Variants in NALCN observed in about 807,000 individuals in gnomAD.
NALCN encodes sodium leak channel, non-selective.
Under a neutral mutation model 225.3 loss-of-function variants are expected in NALCN, and 111 were observed. The observed-to-expected ratio is 0.49, with a 90% CI of 0.42 to 0.58. The LOEUF is 0.58. Among genes scored for constraint, NALCN ranks in the 20% least tolerant of loss-of-function variants. The probability of loss-of-function intolerance (pLI) is 0.00; values close to 1 mark genes in which losing one functional copy is unlikely to be tolerated. For missense variants in NALCN, 1,378 were observed against 2,202.4 expected (o/e 0.63, Z 7.49); for synonymous variants, 764 against 769.0 (o/e 0.99, Z 0.11).
At position 101,111,236 on chromosome 13, in the gene NALCN, A is replaced by T. The variant is rs1219186884; in HGVS notation, c.2193-10T>A. On this transcript the variant is annotated splice_polypyrimidine_tract_variant and intron_variant, in intron 18 of 43. Coordinates refer to ENST00000251127, the MANE Select transcript of NALCN (RefSeq NM_052867.4). ...CTGTCGGGTGCAAGCTCTAGGAAAA[A>T]AAAAGGAGCCCAAGATAAATGCATG... The T allele has an allele frequency of 6.3e-7, 1 of 1,577,602 alleles. No individual in the cohort carries two copies. Among genetic ancestry groups the T allele is most frequent in the Admixed American group, 1.7e-5 (1 of 58,904 alleles).
chr13:101,349,139 C>G (rs540334793), intron 6 of NALCN, among the ~76,000 whole-genome samples: 72 of 152,114 alleles, frequency 4.7e-4, no homozygotes, highest in Non-Finnish European at 7.5e-4. Context: ...CATGTTTAAA[C>G]GGGTTTCAAG....
chr13:101,110,362 T>C (rs1414091734), intron 20 of NALCN, among the ~76,000 whole-genome samples: 1 of 152,242 alleles, frequency 6.6e-6, no homozygotes, highest in East Asian at 1.9e-4. Flanking sequence ...CAAATCCAAC[T>C]GATAATGACA....
chr13:101,381,104 C>T (rs1393913086), intron 3 of NALCN, among the ~76,000 whole-genome samples: 1 of 152,086 alleles, frequency 6.6e-6, no homozygotes, highest in Non-Finnish European at 1.5e-5. Flanking sequence ...ATCAACCAAA[C>T]TTGGTGACTC....
chr13:101,414,732 A>G (rs907255957), intron 1 of NALCN, among the ~76,000 whole-genome samples: 17 of 152,250 alleles, frequency 1.1e-4, no homozygotes, highest in African/African-American at 4.1e-4. Flanking sequence ...ATCCAAAGTT[A>G]TAAGTGTACA....
intron 34 of NALCN, 134 bp from the exon 35 acceptor site, chr13:101,076,075 A>T (rs951661542): frequency 1.7e-6 from 1 of 588,796 alleles, no homozygotes; most frequent in Non-Finnish European, 2.7e-6. Flanking sequence ...AAAGTGATCT[A>T]AAAAAGGTGC....
rs1037155577 is a variant in NALCN, at chr13:101,258,426, G to A, written c.1266+17C>T. 2.5e-6 allele frequency: 4 copies of A among 1,613,704 alleles called. No individual in the cohort carries two copies. In the African/African-American group the frequency reaches 5.3e-5, roughly 22 times the overall value. On this transcript the variant is annotated intron_variant, in intron 11 of 43. Coordinates refer to ENST00000251127, the MANE Select transcript of NALCN (RefSeq NM_052867.4). ...CTGCTCCTTGCCCAGCGATCTGCAC[G>A]GTGGAGAGCTGCTTACCTCCGCCAG...
In NALCN at chr13:101,095,654, A is replaced by T. The variant is rs1273868125; in HGVS notation, c.3189T>A (p.Ile1063=). 6.2e-7 allele frequency: 1 copy of T among 1,613,068 alleles called. No individual in the cohort carries two copies. Among genetic ancestry groups the T allele is most frequent in the African/African-American group, 1.3e-5 (1 of 74,866 alleles). Residue 1063 remains isoleucine (I), a synonymous_variant, in exon 28 of 44, where the codon ATT becomes ATA. Coordinates refer to ENST00000251127, the MANE Select transcript of NALCN (RefSeq NM_052867.4). ...TTAAGTTCTTTGACACACTGACATTAATTCTGAATATGCCATTGCAATCTT... is the reference window on the plus strand; with the variant it reads ...TTAAGTTCTTTGACACACTGACATTTATTCTGAATATGCCATTGCAATCTT... The part of the protein sequence containing the change: ...RREDCNGIFR[I]NVSVSKNLNL...
At chr13:101,297,172 G>T (rs1021690671) in intron 7 of NALCN, among the ~76,000 whole-genome samples, 1 of 152,064 alleles carries the variant, frequency 6.6e-6, no homozygotes, top group African/African-American at 2.4e-5. Context: ...CAAGTGAGAG[G>T]GTCATAAAAT....
intron 9 of NALCN, 78 bp from the exon 10 acceptor site, chr13:101,284,097 A>G (rs2043258906): frequency 3.3e-6 from 4 of 1,219,916 alleles, no homozygotes; most frequent in East Asian, 5.3e-5. Flanking sequence ...AGCTTTGTAT[A>G]TTTTTATGTT....
chr13:101,290,209 C>T (rs2043500252), intron 9 of NALCN, among the ~76,000 whole-genome samples: 2 of 152,170 alleles, frequency 1.3e-5, no homozygotes, highest in Non-Finnish European at 2.9e-5. Context: ...AGAACCATTG[C>T]CTGACTTGGT....
At chr13:101,253,097 A>C (rs1001006978) in intron 11 of NALCN, among the ~76,000 whole-genome samples, 3 of 152,118 alleles carry the variant, frequency 2.0e-5, no homozygotes, top group Admixed American at 1.3e-4. Context: ...ATATTCTCTT[A>C]GATCACAATG....
At chr13:101,215,857 C>G (rs78441650) in intron 13 of NALCN, among the ~76,000 whole-genome samples, 1 of 152,116 alleles carries the variant, frequency 6.6e-6, no homozygotes, top group East Asian at 1.9e-4. Flanking sequence ...AACAGAAGAC[C>G]CTTTCTTGCT....
intron 7 of NALCN, among the ~76,000 whole-genome samples, chr13:101,328,008 G>A (rs952270567): frequency 4.6e-5 from 7 of 152,132 alleles, no homozygotes; most frequent in Non-Finnish European, 7.4e-5. Context: ...AAATGGGCAG[G>A]GAGTTGCGAT....
rs193059561 is a variant in NALCN at position 101,271,430 on chromosome 13, G to C, written c.1134+12503C>G. On this transcript the variant is annotated intron_variant, in intron 10 of 43. Coordinates refer to ENST00000251127, the MANE Select transcript of NALCN (RefSeq NM_052867.4). Reference sequence around the variant, plus strand: ...CAAAATTACAATAGGCCTTTTTCAAGTAGCATTTTAGCTACCCCTTTCTAC... The same window carrying C: ...CAAAATTACAATAGGCCTTTTTCAACTAGCATTTTAGCTACCCCTTTCTAC... 2.5e-3 allele frequency among the ~76,000 whole-genome samples: 380 copies of C among 152,122 alleles called. 6 individuals carry two copies. Among genetic ancestry groups the C allele is most frequent in the Admixed American group, 0.024 (366 of 15,280 alleles).
chr13:101,179,840 G>A (rs962888538), intron 14 of NALCN, among the ~76,000 whole-genome samples: 1 of 152,008 alleles, frequency 6.6e-6, no homozygotes, highest in Non-Finnish European at 1.5e-5. Context: ...TTGAGTTGTC[G>A]GCAAGACCAC....
At chr13:101,267,588 G>A (rs1405285196) in intron 10 of NALCN, among the ~76,000 whole-genome samples, 1 of 152,192 alleles carries the variant, frequency 6.6e-6, no homozygotes, top group Non-Finnish European at 1.5e-5. Context: ...TACTCTTGCT[G>A]CTCTTGGAAC....
chr13:101,179,711 G>A (rs2039113152), intron 14 of NALCN, among the ~76,000 whole-genome samples: 1 of 152,148 alleles, frequency 6.6e-6, no homozygotes, highest in African/African-American at 2.4e-5. Context: ...TAAGAGCTCT[G>A]ATTCCCAGTG....
At chr13:101,178,115 C>T (rs1354547759) in intron 14 of NALCN, among the ~76,000 whole-genome samples, 2 of 152,144 alleles carry the variant, frequency 1.3e-5, no homozygotes, top group African/African-American at 2.4e-5. Flanking sequence ...AAGTTTGCTC[C>T]ATGTTCAGCC....
Position 101,309,734 on chromosome 13 carries a change from G to T in NALCN, c.800-17368C>A, listed in dbSNP as rs566677733. On this transcript the variant is annotated intron_variant, in intron 7 of 43. Transcript: ENST00000251127. ...TGTATTCTTGACAAGAATTAAGCAA[G>T]TCTCATTGATCCTTTACTGTGTCAA... Among the ~76,000 whole-genome samples the T allele has an allele frequency of 2.6e-5, 4 of 152,264 alleles. No homozygotes were observed. The South Asian group carries it at 8.3e-4, about 32-fold the overall frequency.
Sources: gnomAD v4.1 joint callset for allele counts (sites outside exome capture counted in the v4.1 genomes callset) on GRCh38, gnomAD v4.1.1 for gene constraint, MANE v1.5 for transcripts, NCBI Gene and HGNC (gene_info 2026-07-23, HGNC 2026-07-21) for gene names.